Variants in PTPRN2 observed in about 807,000 individuals in gnomAD.
PTPRN2 encodes the protein receptor-type tyrosine-protein phosphatase N2.
In PTPRN2, 74 loss-of-function variants were observed where a neutral mutation model predicts 118.8. The ratio of observed to expected loss-of-function variants is 0.62; its 90% CI spans 0.52 to 0.76. The LOEUF (loss-of-function observed/expected upper bound fraction) is 0.76. Ranked by LOEUF, PTPRN2 falls within the 30% of genes least tolerant of loss-of-function variation. The probability of loss-of-function intolerance (pLI) is 0.00; values close to 1 mark genes in which losing one functional copy is unlikely to be tolerated. For missense variants in PTPRN2, 1,481 were observed against 1,394.4 expected, an observed-to-expected ratio of 1.06 and a Z score of -0.99; for synonymous variants, 641 against 608.0, an observed-to-expected ratio of 1.05 and a Z score of -0.80.
chr7:158,147,672 C>G (rs1820289248), intron 6 of PTPRN2, among the ~76,000 whole-genome samples: 2 of 131,016 alleles, frequency 1.5e-5, no homozygotes, highest in Non-Finnish European at 3.3e-5. Context: ...GTCTTTCCCC[C>G]TCACTGACAC....
At chr7:157,568,616 T>C (rs1185558973) in intron 21 of PTPRN2, among the ~76,000 whole-genome samples, 1 of 152,156 alleles carries the variant, frequency 6.6e-6, no homozygotes, top group Non-Finnish European at 1.5e-5. Context: ...AAGGACCCAC[T>C]GTGTGCTCGG....
chr7:158,036,003 A>G (rs941404579), intron 11 of PTPRN2, among the ~76,000 whole-genome samples: 1 of 152,244 alleles, frequency 6.6e-6, no homozygotes, highest in African/African-American at 2.4e-5. Context: ...TTACTGGCAG[A>G]AATTAACAAA....
rs187368375 is a variant in PTPRN2 at position 158,125,163 on chromosome 7, C to T, written c.1556+8514G>A. On this transcript the variant is annotated intron_variant, in intron 9 of 22. Transcript: ENST00000389418. The stretch of plus-strand genomic sequence containing the variant: ...ACCCCCCTGCCTCAAGTGCCTCCCA[C>T]GGCCGCCTCCCTGTCTCGAGTCCCT... Among the ~76,000 whole-genome samples the T allele has an allele frequency of 5.0e-3, 753 of 151,784 alleles. 11 individuals carry two copies. The highest frequency in any genetic ancestry group is 0.016 in the African/African-American group (679 of 41,382).
At chr7:157,658,612 G>T (rs956452078) in intron 13 of PTPRN2, among the ~76,000 whole-genome samples, 1 of 152,222 alleles carries the variant, frequency 6.6e-6, no homozygotes, top group Non-Finnish European at 1.5e-5. Flanking sequence ...GGACCCCGCT[G>T]CTGCCGCTCA....
intron 17 of PTPRN2, among the ~76,000 whole-genome samples, chr7:157,578,543 G>C (rs1364242475): frequency 6.6e-6 from 1 of 152,170 alleles, no homozygotes; most frequent in Non-Finnish European, 1.5e-5. Context: ...GTTTTGCTTC[G>C]TGAAGCTGCT....
chr7:158,396,286 A>C (rs1812494121), intron 2 of PTPRN2, among the ~76,000 whole-genome samples: 1 of 152,236 alleles, frequency 6.6e-6, no homozygotes, highest in Admixed American at 6.5e-5. Flanking sequence ...ATAAAAGTGT[A>C]GTGCTGGGGA....
At chr7:158,577,320 GCACAACACT>G (rs1828387661) in intron 1 of PTPRN2, among the ~76,000 whole-genome samples, 1 of 120,290 alleles carries the variant, frequency 8.3e-6, no homozygotes, top group African/African-American at 3.3e-5. Flanking sequence ...CATGGGGCCT[GCACAACACT>G]GAGGGCTGCC....
chr7:158,469,420 C>T (rs938324940), intron 2 of PTPRN2, among the ~76,000 whole-genome samples: 4 of 152,144 alleles, frequency 2.6e-5, no homozygotes, highest in African/African-American at 9.7e-5. Context: ...CCAGCCTGGG[C>T]AACAGAGGGA....
chr7:158,127,047 T>G (rs908319856), intron 9 of PTPRN2, among the ~76,000 whole-genome samples: 13 of 152,192 alleles, frequency 8.5e-5, no homozygotes, highest in African/African-American at 3.1e-4. Flanking sequence ...TAAGAAACAC[T>G]TGAAGGAAGA....
chr7:158,535,756 A>G (rs1304212681), intron 1 of PTPRN2, among the ~76,000 whole-genome samples: 1 of 151,824 alleles, frequency 6.6e-6, no homozygotes, highest in Non-Finnish European at 1.5e-5. Flanking sequence ...TTGTTTTTAC[A>G]TAAAGTGTTT....
chr7:158,578,268 A>ATTAT (rs1828442460), intron 1 of PTPRN2, among the ~76,000 whole-genome samples: 1 of 149,464 alleles, frequency 6.7e-6, no homozygotes, highest in Non-Finnish European at 1.5e-5. Flanking sequence ...TTGTATGAAT[A>ATTAT]TTATTTAAGT....
chr7:157,541,335 C>T (rs967388914), intron 22 of PTPRN2, among the ~76,000 whole-genome samples: 1 of 152,236 alleles, frequency 6.6e-6, no homozygotes, highest in African/African-American at 2.4e-5. Flanking sequence ...GCTGAGAAAC[C>T]TCCCCTTGTC....
chr7:157,643,123 G>A (rs1804808589), intron 14 of PTPRN2, among the ~76,000 whole-genome samples: 2 of 152,184 alleles, frequency 1.3e-5, no homozygotes, highest in African/African-American at 4.8e-5. Flanking sequence ...TGGGTTTGTT[G>A]GGACATAACC....
At chr7:157,942,080 CA>C (rs1347555049) in intron 11 of PTPRN2, among the ~76,000 whole-genome samples, 1 of 150,062 alleles carries the variant, frequency 6.7e-6, no homozygotes, top group East Asian at 2.0e-4. Flanking sequence ...CACCTTCACT[CA>C]TGGGAGTCCT....
intron 6 of PTPRN2, among the ~76,000 whole-genome samples, chr7:158,141,552 G>T (rs1819389506): frequency 6.6e-6 from 1 of 152,214 alleles, no homozygotes; most frequent in Non-Finnish European, 1.5e-5. Context: ...AATTTTTTAA[G>T]TGCAGTCTCT....
intron 11 of PTPRN2, among the ~76,000 whole-genome samples, chr7:157,989,573 C>G (rs1374213760): frequency 2.6e-5 from 4 of 151,736 alleles, no homozygotes; most frequent in Admixed American, 2.6e-4. Context: ...CCTTTCCTTT[C>G]TGCACCGCTC....
intron 12 of PTPRN2, chr7:157,866,038 G>C (rs1810644655): frequency 6.6e-6 from 1 of 152,286 alleles, no homozygotes; most frequent in Non-Finnish European, 1.5e-5. Context: ...TCCTGCTTTA[G>C]AACAAGGACC....
intron 11 of PTPRN2, among the ~76,000 whole-genome samples, chr7:157,902,906 A>G (rs568347696): frequency 1.3e-5 from 2 of 152,254 alleles, no homozygotes; most frequent in African/African-American, 4.8e-5. Flanking sequence ...CTGCCTCCCA[A>G]GCTGATTGTG....
chr7:158,007,711 A>G (rs1339604300), intron 11 of PTPRN2, among the ~76,000 whole-genome samples: 2 of 152,068 alleles, frequency 1.3e-5, no homozygotes, highest in East Asian at 3.9e-4. Flanking sequence ...GTGTGTATGT[A>G]TCTGGGTGTG....
Sources: gnomAD v4.1 joint callset for allele counts (sites outside exome capture counted in the v4.1 genomes callset) on GRCh38, gnomAD v4.1.1 for gene constraint, MANE v1.5 for transcripts, NCBI Gene and HGNC (gene_info 2026-07-23, HGNC 2026-07-21) for gene names.